Variants in TPD52L1 observed in about 807,000 individuals in gnomAD.
TPD52L1 encodes TPD52 like 1, also known as tumor protein D53.
Under a neutral mutation model 28.7 loss-of-function variants are expected in TPD52L1, and 18 were observed. The ratio of observed to expected loss-of-function variants is 0.63; its 90% CI spans 0.43 to 0.93. TPD52L1 has a LOEUF of 0.93. TPD52L1 is among the 40% of genes least tolerant of loss of function. The pLI is 0.00. For synonymous variants in TPD52L1, 75 were observed against 88.8 expected, an observed-to-expected ratio of 0.84 and a Z score of 0.88; for missense variants, 203 against 254.8, an observed-to-expected ratio of 0.80 and a Z score of 1.39.
At chr6:125,214,764 A>G (rs1562299215) in intron 1 of TPD52L1, among the ~76,000 whole-genome samples, 2 of 152,158 alleles carry the variant, frequency 1.3e-5, no homozygotes, top group Non-Finnish European at 2.9e-5. Context: ...TTTAAAAACT[A>G]TTACTCCCCA....
intron 1 of TPD52L1, chr6:125,154,590 C>A: frequency 1.0e-6 from 1 of 956,002 alleles, no homozygotes; most frequent in Non-Finnish European, 1.2e-6. Flanking sequence ...CGCGCGGGGC[C>A]CCCGGCCGCC....
chr6:125,163,786 G>A (rs1250604450), intron 1 of TPD52L1, among the ~76,000 whole-genome samples: 1 of 150,358 alleles, frequency 6.7e-6, no homozygotes. Context: ...ATTAGCTGGC[G>A]GGCACCTGTA....
chr6:125,193,252 G>T (rs117203708), intron 1 of TPD52L1, among the ~76,000 whole-genome samples: 89 of 152,238 alleles, frequency 5.8e-4, no homozygotes, highest in African/African-American at 2.1e-3. Context: ...CCCTGGTGGG[G>T]TATAGCAGAA....
chr6:125,173,905 A>G (rs1791658722), intron 1 of TPD52L1, among the ~76,000 whole-genome samples: 1 of 152,240 alleles, frequency 6.6e-6, no homozygotes, highest in Non-Finnish European at 1.5e-5. Context: ...TGAAGAACAC[A>G]GAAGAAAGCA....
intron 1 of TPD52L1, among the ~76,000 whole-genome samples, chr6:125,165,965 C>T (rs551356055): frequency 1.6e-4 from 24 of 152,230 alleles, no homozygotes; most frequent in Admixed American, 1.0e-3. Context: ...ATAGGATCTG[C>T]GTGCTTGTTT....
chr6:125,172,267 A>T, intron 1 of TPD52L1, among the ~76,000 whole-genome samples: 1 of 118,214 alleles, frequency 8.5e-6, no homozygotes, highest in South Asian at 2.7e-4. Flanking sequence ...CCTTCCTTCT[A>T]TCCATCCATC....
In TPD52L1 at chr6:125,197,722, G is replaced by A. The variant is rs73573623; in HGVS notation, c.20-22356G>A. 4.5e-3 allele frequency among the ~76,000 whole-genome samples: 686 copies of A among 152,246 alleles called. 1 individual carries two copies. The highest frequency in any genetic ancestry group is 0.014 in the African/African-American group (571 of 41,520). On this transcript the variant is annotated intron_variant, in intron 1 of 6. Coordinates refer to ENST00000534000, the MANE Select transcript of TPD52L1 (RefSeq NM_003287.4). Reference sequence around the variant, plus strand: ...AAATAACAGCCCACTAAGCGTCAGAGGTGAGGGGTTGCCCCATCCAATTTT... The same window carrying A: ...AAATAACAGCCCACTAAGCGTCAGAAGTGAGGGGTTGCCCCATCCAATTTT...
Position 125,172,545 on chromosome 6 carries a change from T to TATATATA in TPD52L1, c.19+18583_19+18589dup, listed in dbSNP as rs1334976840. Among the ~76,000 whole-genome samples, 4 of 99,654 alleles carry TATATATA rather than the reference T, an allele frequency of 4.0e-5. No homozygotes were observed. In the South Asian group the frequency reaches 9.3e-4, roughly 23 times the overall value. The allele number at this position is 99,654 out of a possible 152,430, so 65.4% of individuals were successfully genotyped here. ...ATATATATATATATATATATATATA[T>TATATATA]ATATATAATATATATACTATATGGC... On this transcript the variant is annotated intron_variant, in intron 1 of 6. Transcript: ENST00000534000.
intron 1 of TPD52L1, chr6:125,154,385 C>CT: frequency 1.0e-6 from 1 of 999,230 alleles, no homozygotes; most frequent in Non-Finnish European, 1.2e-6. Flanking sequence ...GGACTCGCGG[C>CT]TTGTGGCTCC....
chr6:125,172,213 T>TTTC, intron 1 of TPD52L1, among the ~76,000 whole-genome samples: 1 of 139,346 alleles, frequency 7.2e-6, no homozygotes, highest in African/African-American at 2.8e-5. Flanking sequence ...TTCTTCTTTC[T>TTTC]TTCTTTCCTT....
intron 1 of TPD52L1, among the ~76,000 whole-genome samples, chr6:125,181,029 G>T (rs9375390): frequency 6.6e-6 from 1 of 151,996 alleles, no homozygotes; most frequent in Non-Finnish European, 1.5e-5. Context: ...ATGGCTTAAG[G>T]CATTCTTAGA....
intron 1 of TPD52L1, chr6:125,203,717 G>A (rs1184004433): frequency 3.0e-6 from 3 of 985,322 alleles, no homozygotes; most frequent in Non-Finnish European, 3.6e-6. Context: ...CTTTGGTTGA[G>A]AATCCAGTTG....
chr6:125,229,693 T>C (rs1270707031), intron 3 of TPD52L1, among the ~76,000 whole-genome samples: 2 of 152,246 alleles, frequency 1.3e-5, no homozygotes, highest in Non-Finnish European at 2.9e-5. Flanking sequence ...ACTGACTTGC[T>C]GGCAATTGAT....
chr6:125,193,692 A>G (rs979989410), intron 1 of TPD52L1, among the ~76,000 whole-genome samples: 3 of 152,192 alleles, frequency 2.0e-5, no homozygotes, highest in African/African-American at 7.2e-5. Flanking sequence ...ATATATGCAT[A>G]TATTTTAAAA....
At position 125,195,744 on chromosome 6, in the gene TPD52L1, C is replaced by G. The variant is rs141467603; in HGVS notation, c.20-24334C>G. On this transcript the variant is annotated intron_variant, in intron 1 of 6. Transcript: ENST00000534000. ...TTTATTCTGGAATGTCACATAGCAACTCCTTCTTAAGGCCAAGTGCACTGA... is the reference window on the plus strand; with the variant it reads ...TTTATTCTGGAATGTCACATAGCAAGTCCTTCTTAAGGCCAAGTGCACTGA... Among the ~76,000 whole-genome samples, 246 of 152,286 alleles carry G rather than the reference C, an allele frequency of 1.6e-3. 2 individuals are homozygous for G. Among genetic ancestry groups the G allele is most frequent in the African/African-American group, 4.8e-3 (201 of 41,560 alleles).
intron 1 of TPD52L1, among the ~76,000 whole-genome samples, chr6:125,185,989 G>A (rs987070659): frequency 6.7e-6 from 1 of 148,758 alleles, no homozygotes; most frequent in African/African-American, 2.5e-5. Context: ...TGCCTCCCAG[G>A]TTCAAGCAAT....
intron 3 of TPD52L1, among the ~76,000 whole-genome samples, chr6:125,244,253 A>T (rs1796790015): frequency 6.6e-6 from 1 of 151,418 alleles, no homozygotes; most frequent in Admixed American, 6.6e-5. Flanking sequence ...CTTTTTTCCC[A>T]CTGTTTTATT....
chr6:125,231,720 T>C (rs1309150229), intron 3 of TPD52L1, among the ~76,000 whole-genome samples: 1 of 152,000 alleles, frequency 6.6e-6, no homozygotes, highest in East Asian at 1.9e-4. Context: ...TGCAGGTGGA[T>C]GATGAAGGAA....
intron 1 of TPD52L1, among the ~76,000 whole-genome samples, chr6:125,196,009 T>A (rs1793413506): frequency 6.6e-6 from 1 of 152,194 alleles, no homozygotes; most frequent in African/African-American, 2.4e-5. Flanking sequence ...GTAATGCCCC[T>A]TACATCATAC....
Sources: allele counts gnomAD v4.1 joint callset (sites outside exome capture counted in the v4.1 genomes callset), GRCh38; gene constraint gnomAD v4.1.1; transcripts MANE v1.5; gene names NCBI Gene and HGNC (gene_info 2026-07-23, HGNC 2026-07-21).